CELF4: variants seen among roughly 807,000 people sequenced by gnomAD.
CELF4 encodes the protein CUGBP Elav-like family member 4.
In CELF4, 18 loss-of-function variants were observed where a neutral mutation model predicts 59.9. That is an observed-to-expected ratio of 0.30 (90% confidence interval 0.21 to 0.45). CELF4 has a LOEUF of 0.45. CELF4 is among the 20% of genes least tolerant of loss of function. The probability of loss-of-function intolerance (pLI) is 1.00; values close to 1 mark genes in which losing one functional copy is unlikely to be tolerated. For synonymous variants in CELF4, 261 were observed against 267.1 expected (o/e 0.98, Z 0.22); for missense variants, 456 against 689.0 (o/e 0.66, Z 3.79).
intron 2 of CELF4, among the ~76,000 whole-genome samples, chr18:37,395,921 C>A (rs570115548): frequency 1.3e-5 from 2 of 152,190 alleles, no homozygotes; most frequent in Non-Finnish European, 2.9e-5. Context: ...ATCTAACTCC[C>A]GTGCTCTAAG....
chr18:37,546,581 G>A (rs1345882351), intron 1 of CELF4, among the ~76,000 whole-genome samples: 3 of 152,174 alleles, frequency 2.0e-5, no homozygotes, highest in Non-Finnish European at 4.4e-5. Context: ...GGATAAGGGA[G>A]CTTTGCAGCC....
intron 10 of CELF4, 21 bp from the exon 11 acceptor site, chr18:37,259,285 G>T: frequency 2.1e-6 from 2 of 955,942 alleles, no homozygotes; most frequent in South Asian, 1.4e-5. Context: ...GGGAGGGGGT[G>T]GGCGGGGGAG....
intron 1 of CELF4, among the ~76,000 whole-genome samples, chr18:37,561,509 C>T (rs569703014): frequency 2.0e-5 from 3 of 152,178 alleles, no homozygotes; most frequent in East Asian, 3.9e-4. Flanking sequence ...GTCTTTATAT[C>T]TCCCAGTAAC....
intron 1 of CELF4, among the ~76,000 whole-genome samples, chr18:37,536,900 C>T (rs1360631037): frequency 6.6e-6 from 1 of 152,142 alleles, no homozygotes; most frequent in African/African-American, 2.4e-5. Flanking sequence ...GAGGAGATGC[C>T]CCACCTTGCC....
intron 2 of CELF4, among the ~76,000 whole-genome samples, chr18:37,414,793 G>T (rs765907652): frequency 6.6e-6 from 1 of 151,642 alleles, no homozygotes; most frequent in Non-Finnish European, 1.5e-5. Context: ...CACAAAGCCC[G>T]GCCCTAATTC....
At chr18:37,278,047 A>G (rs1239741985) in intron 3 of CELF4, among the ~76,000 whole-genome samples, 1 of 151,794 alleles carries the variant, frequency 6.6e-6, no homozygotes, top group Non-Finnish European at 1.5e-5. Context: ...ATTCATCCAC[A>G]TGTGCCTTTC....
intron 2 of CELF4, among the ~76,000 whole-genome samples, chr18:37,456,612 A>G (rs978636403): frequency 1.3e-5 from 2 of 152,130 alleles, no homozygotes; most frequent in African/African-American, 4.8e-5. Context: ...CTTCTGACTG[A>G]ATTCCTTTGG....
intron 9 of CELF4, 156 bp downstream of exon 9, chr18:37,266,372 AGGCAG>A: frequency 2.6e-6 from 2 of 762,642 alleles, no homozygotes; most frequent in Non-Finnish European, 4.3e-6. Flanking sequence ...GCTGACAAGA[AGGCAG>A]CCTGGAGGGT....
chr18:37,346,930 T>G (rs2098280419), intron 2 of CELF4, among the ~76,000 whole-genome samples: 1 of 151,586 alleles, frequency 6.6e-6, no homozygotes, highest in Non-Finnish European at 1.5e-5. Context: ...CTTTGGTGGA[T>G]CTGGAGAAGG....
At chr18:37,274,933 A>AGG (rs745694888) in intron 4 of CELF4, 49 bp from the exon 5 acceptor site, 2 of 1,586,480 alleles carry the variant, frequency 1.3e-6, no homozygotes, top group Non-Finnish European at 1.7e-6. Flanking sequence ...AGGGCCAGGG[A>AGG]GGGGCCGGGA....
chr18:37,297,129 G>A (rs2095696278), intron 3 of CELF4, among the ~76,000 whole-genome samples: 2 of 152,172 alleles, frequency 1.3e-5, no homozygotes, highest in African/African-American at 4.8e-5. Context: ...CAGTGGAAAG[G>A]CCACTGGAAG....
intron 3 of CELF4, among the ~76,000 whole-genome samples, chr18:37,317,335 C>T (rs2096902479): frequency 6.6e-6 from 1 of 152,200 alleles, no homozygotes; most frequent in Non-Finnish European, 1.5e-5. Flanking sequence ...TGCAGTGAGC[C>T]AAGATCGTGC....
chr18:37,368,442 G>T (rs953526733), intron 2 of CELF4, among the ~76,000 whole-genome samples: 6 of 152,094 alleles, frequency 3.9e-5, no homozygotes, highest in African/African-American at 1.4e-4. Context: ...CCCAGGGAGG[G>T]GTAGGGAGGG....
chr18:37,423,079 C>G (rs1334069948), intron 2 of CELF4, among the ~76,000 whole-genome samples: 380 of 141,870 alleles, frequency 2.7e-3, no homozygotes, highest in African/African-American at 8.9e-3. Context: ...CACACACACA[C>G]ACAGAGACAG....
chr18:37,533,878 C>A (rs778088455), intron 1 of CELF4, among the ~76,000 whole-genome samples: 17 of 152,174 alleles, frequency 1.1e-4, no homozygotes, highest in Non-Finnish European at 2.4e-4. Context: ...GTCATCTCCA[C>A]GTCAGGGGAA....
At chr18:37,409,156 G>A (rs1018982325) in intron 2 of CELF4, among the ~76,000 whole-genome samples, 6 of 152,210 alleles carry the variant, frequency 3.9e-5, no homozygotes, top group East Asian at 1.9e-4. Flanking sequence ...GCTCTCCCTG[G>A]CGATTTGATT....
In CELF4 at chr18:37,243,795, A is replaced by C. The variant is rs1044192618; in HGVS notation, c.*1447T>G. On this transcript the variant is annotated 3_prime_UTR_variant, in exon 13 of 13. Coordinates refer to ENST00000420428, the MANE Select transcript of CELF4 (RefSeq NM_020180.4). ...TGTTGTCTAGTTGTTTTAAGATGAAAGTTCCCAGTTCTCCCTTGCCCGGAA... is the reference window on the plus strand; with the variant it reads ...TGTTGTCTAGTTGTTTTAAGATGAACGTTCCCAGTTCTCCCTTGCCCGGAA... The C allele has an allele frequency of 1.9e-5, 3 of 159,256 alleles. No homozygotes were observed. The highest frequency in any genetic ancestry group is 2.8e-5 in the Non-Finnish European group (2 of 72,402). 9.9% of individuals were successfully genotyped at this position (159,256 alleles called of 1,614,324 possible). A position where few individuals can be genotyped will look rare whatever the true frequency, so the allele number is the denominator to read the frequency against.
chr18:37,252,701 A>C (rs1169235099), intron 12 of CELF4, among the ~76,000 whole-genome samples: 1 of 145,858 alleles, frequency 6.9e-6, no homozygotes, highest in African/African-American at 2.6e-5. Flanking sequence ...ATGTGGTTTA[A>C]CTGTAGCCAA....
intron 2 of CELF4, among the ~76,000 whole-genome samples, chr18:37,386,310 G>A (rs1266914271): frequency 2.6e-5 from 4 of 152,236 alleles, no homozygotes; most frequent in Non-Finnish European, 5.9e-5. Context: ...AGCCTTTACA[G>A]AGGTGGCAAC....
Sources: gnomAD v4.1 joint callset for allele counts (sites outside exome capture counted in the v4.1 genomes callset) on GRCh38, gnomAD v4.1.1 for gene constraint, MANE v1.5 for transcripts, NCBI Gene and HGNC (gene_info 2026-07-23, HGNC 2026-07-21) for gene names.